NELL1: variants seen among roughly 807,000 people sequenced by gnomAD.
NELL1 encodes the protein protein kinase C-binding protein NELL1.
NELL1 carries 76 observed loss-of-function variants against 107.4 expected under a neutral mutation model. That is an observed-to-expected ratio of 0.71 (90% CI 0.59 to 0.86). The LOEUF is 0.86. Among genes scored for constraint, NELL1 ranks in the 40% least tolerant of loss-of-function variants. The probability of loss-of-function intolerance (pLI) is 0.00; values close to 1 mark genes in which losing one functional copy is unlikely to be tolerated. For missense variants in NELL1, 1,024 were observed against 1,005.5 expected (o/e 1.02, Z -0.25); for synonymous variants, 353 against 341.2 (o/e 1.03, Z -0.38).
At chr11:21,135,882 AACTTGG>A (rs1855734675) in intron 13 of NELL1, among the ~76,000 whole-genome samples, 1 of 152,140 alleles carries the variant, frequency 6.6e-6, no homozygotes, top group Non-Finnish European at 1.5e-5. Context: ...TTGGTCCCTA[AACTTGG>A]TGTTTCACTT....
chr11:21,311,793 G>A (rs1565161805), intron 14 of NELL1, among the ~76,000 whole-genome samples: 4 of 152,162 alleles, frequency 2.6e-5, no homozygotes, highest in African/African-American at 9.6e-5. Flanking sequence ...CAAACTCAGA[G>A]GTATTATTAT....
chr11:20,811,306 G>A (rs1009208610), intron 3 of NELL1, among the ~76,000 whole-genome samples: 6 of 152,018 alleles, frequency 3.9e-5, no homozygotes, highest in Admixed American at 6.6e-5. Flanking sequence ...ATTGTTGCAT[G>A]TCTGTTTTTA....
At chr11:20,788,082 T>G (rs918750120) in intron 3 of NELL1, among the ~76,000 whole-genome samples, 2 of 152,270 alleles carry the variant, frequency 1.3e-5, no homozygotes, top group African/African-American at 4.8e-5. Context: ...TGTTTGGATA[T>G]AATACATTAT....
At chr11:20,929,806 T>C (rs930728708) in intron 9 of NELL1, among the ~76,000 whole-genome samples, 3 of 152,032 alleles carry the variant, frequency 2.0e-5, no homozygotes, top group African/African-American at 7.2e-5. Flanking sequence ...ATCCCGTCTC[T>C]ACTAAAAATA....
At chr11:21,337,153 T>A (rs1335471912) in intron 14 of NELL1, among the ~76,000 whole-genome samples, 1 of 152,114 alleles carries the variant, frequency 6.6e-6, no homozygotes, top group Non-Finnish European at 1.5e-5. Flanking sequence ...CAGAGTGCAG[T>A]ATTTCCTGAA....
chr11:20,938,915 TCTCTCTC>T (rs1850784741), intron 10 of NELL1, among the ~76,000 whole-genome samples: 1 of 88,072 alleles, frequency 1.1e-5, no homozygotes, highest in African/African-American at 4.7e-5. Context: ...TCTGTCTCTC[TCTCTCTC>T]TCTCTCTCTC....
chr11:20,918,123 G>A (rs1850297761), intron 5 of NELL1, 59 bp from the exon 6 acceptor site: 3 of 901,104 alleles, frequency 3.3e-6, no homozygotes, highest in African/African-American at 3.3e-5. Flanking sequence ...TGATTGCATA[G>A]GGGACATTTG....
Position 21,147,501 on chromosome 11 carries a change from T to C in NELL1, c.1426+33787T>C, listed in dbSNP as rs79968562. ...GATTTCCTGAGCCAGAACCCTCTGC[T>C]GTCATAAGTGGCTCTGCATTTAGTG... On this transcript the variant is annotated intron_variant, in intron 13 of 19. Coordinates refer to ENST00000357134, the MANE Select transcript of NELL1 (RefSeq NM_006157.5). 9.4e-3 allele frequency among the ~76,000 whole-genome samples: 1,438 copies of C among 152,240 alleles called. 64 individuals carry two copies. In the East Asian group the frequency reaches 0.12, roughly 12 times the overall value.
At chr11:20,905,019 T>TC (rs1849963489) in intron 5 of NELL1, among the ~76,000 whole-genome samples, 1 of 150,662 alleles carries the variant, frequency 6.6e-6, no homozygotes, top group African/African-American at 2.4e-5. Context: ...TTTTTTTTTT[T>TC]CACAGAGACA....
intron 2 of NELL1, among the ~76,000 whole-genome samples, chr11:20,710,719 T>C (rs1255140559): frequency 6.6e-6 from 1 of 152,132 alleles, no homozygotes; most frequent in Non-Finnish European, 1.5e-5. Context: ...TCTTGCTACT[T>C]GTTATTGGTC....
chr11:21,108,374 T>C (rs1461761086), intron 12 of NELL1, among the ~76,000 whole-genome samples: 2 of 152,144 alleles, frequency 1.3e-5, no homozygotes, highest in East Asian at 3.9e-4. Flanking sequence ...CACATCAAGT[T>C]TCATTTTACA....
intron 2 of NELL1, among the ~76,000 whole-genome samples, chr11:20,691,627 A>G (rs985762469): frequency 5.9e-5 from 9 of 152,060 alleles, no homozygotes; most frequent in Non-Finnish European, 2.9e-5. Flanking sequence ...CATCCCAGGG[A>G]TGAAGCCAAC....
At chr11:21,077,437 T>C (rs888205759) in intron 12 of NELL1, among the ~76,000 whole-genome samples, 8 of 152,046 alleles carry the variant, frequency 5.3e-5, no homozygotes, top group Non-Finnish European at 8.8e-5. Context: ...CACAAGAATA[T>C]TGAAAATTCA....
At chr11:21,353,711 T>C (rs1850867596) in intron 14 of NELL1, among the ~76,000 whole-genome samples, 1 of 152,042 alleles carries the variant, frequency 6.6e-6, no homozygotes, top group Admixed American at 6.6e-5. Flanking sequence ...CAAAGAAAGG[T>C]CGAATATATG....
At chr11:20,863,768 G>A (rs1849038765) in intron 4 of NELL1, among the ~76,000 whole-genome samples, 2 of 152,200 alleles carry the variant, frequency 1.3e-5, no homozygotes, top group South Asian at 4.1e-4. Flanking sequence ...GCTGGGAGGT[G>A]GAGGCCATAG....
At chr11:21,308,391 A>G (rs1029610156) in intron 14 of NELL1, among the ~76,000 whole-genome samples, 1 of 152,064 alleles carries the variant, frequency 6.6e-6, no homozygotes, top group Non-Finnish European at 1.5e-5. Context: ...AGGCTGGGTA[A>G]TAGGTCATAA....
chr11:20,782,974 G>C (rs747216749), intron 2 of NELL1, among the ~76,000 whole-genome samples: 1 of 152,204 alleles, frequency 6.6e-6, no homozygotes, highest in Non-Finnish European at 1.5e-5. Context: ...CTCTAGGCCT[G>C]CTGAATCGGC....
At chr11:20,936,806 C>T (rs1157606688) in intron 9 of NELL1, among the ~76,000 whole-genome samples, 1 of 152,152 alleles carries the variant, frequency 6.6e-6, no homozygotes, top group Admixed American at 6.6e-5. Flanking sequence ...GGTTTTATAA[C>T]TAGTAAACCA....
At chr11:21,521,268 C>T (rs1157173104) in intron 15 of NELL1, among the ~76,000 whole-genome samples, 1 of 152,146 alleles carries the variant, frequency 6.6e-6, no homozygotes, top group African/African-American at 2.4e-5. Context: ...GCTTTTGGAA[C>T]TGGTGTAATT....
Sources: allele counts gnomAD v4.1 joint callset (sites outside exome capture counted in the v4.1 genomes callset), GRCh38; gene constraint gnomAD v4.1.1; transcripts MANE v1.5; gene names NCBI Gene and HGNC (gene_info 2026-07-23, HGNC 2026-07-21).